The following CNST variants were observed in gnomAD, a reference collection of about 807,000 sequenced individuals.
CNST encodes the protein consortin, connexin sorting protein.
Under a neutral mutation model 72.4 loss-of-function variants are expected in CNST, and 39 were observed. The observed-to-expected ratio is 0.54, with a 90% CI of 0.42 to 0.70. The LOEUF (loss-of-function observed/expected upper bound fraction) is 0.70, where lower values mean the gene tolerates loss of function less well. Among genes scored for constraint, CNST ranks in the 30% least tolerant of loss-of-function variants. The pLI is 0.00. For missense variants in CNST, 871 were observed against 868.5 expected, an observed-to-expected ratio of 1.00 and a Z score of -0.04; for synonymous variants, 332 against 320.1, an observed-to-expected ratio of 1.04 and a Z score of -0.40.
chr1:246,644,416 C>G (rs982650284), intron 8 of CNST, among the ~76,000 whole-genome samples: 14 of 147,178 alleles, frequency 9.5e-5, no homozygotes, highest in African/African-American at 3.5e-4. Context: ...AAAAAATTGT[C>G]TCATTTTGAT....
intron 9 of CNST, among the ~76,000 whole-genome samples, chr1:246,652,859 C>T (rs1448979691): frequency 1.3e-5 from 2 of 150,550 alleles, no homozygotes; most frequent in Non-Finnish European, 1.5e-5. Context: ...AAAAAACTAG[C>T]CGGGCGTGGT....
intron 1 of CNST, among the ~76,000 whole-genome samples, chr1:246,581,289 G>C (rs188261184): frequency 2.6e-5 from 4 of 151,742 alleles, no homozygotes; most frequent in Admixed American, 6.6e-5. Context: ...TTTTGAGACG[G>C]AGTTTTGCTT....
intron 2 of CNST, among the ~76,000 whole-genome samples, chr1:246,610,853 G>A (rs964557238): frequency 1.3e-5 from 2 of 152,064 alleles, no homozygotes; most frequent in African/African-American, 4.8e-5. Flanking sequence ...ATTTTTGAAT[G>A]CTCTGATTTC....
chr1:246,648,143 G>A, intron 9 of CNST, 106 bp downstream of exon 9: 1 of 1,462,288 alleles, frequency 6.8e-7, no homozygotes, highest in Non-Finnish European at 9.0e-7. Flanking sequence ...TCTCAAACAT[G>A]AGGGAAAATT....
chr1:246,618,646 T>TTG (rs1663850440), intron 2 of CNST, among the ~76,000 whole-genome samples: 1 of 152,238 alleles, frequency 6.6e-6, no homozygotes, highest in Non-Finnish European at 1.5e-5. Context: ...CTGTGGGCTT[T>TTG]TGGAACTTCT....
intron 1 of CNST, among the ~76,000 whole-genome samples, chr1:246,582,170 G>A (rs1368733343): frequency 1.3e-5 from 2 of 152,118 alleles, no homozygotes; most frequent in Admixed American, 6.5e-5. Flanking sequence ...ATCAAAAAAC[G>A]AAGTTAAACA....
At chr1:246,637,505 A>G (rs1039580655) in intron 6 of CNST, among the ~76,000 whole-genome samples, 1 of 152,242 alleles carries the variant, frequency 6.6e-6, no homozygotes, top group Non-Finnish European at 1.5e-5. Flanking sequence ...AAGTTCGTCC[A>G]TACATGATTC....
intron 10 of CNST, among the ~76,000 whole-genome samples, chr1:246,662,846 C>T (rs1023614144): frequency 1.1e-4 from 16 of 152,176 alleles, no homozygotes; most frequent in Non-Finnish European, 1.9e-4. Flanking sequence ...GGACCAGCTA[C>T]ATGTCAAGTG....
chr1:246,601,949 T>G (rs1662316606), intron 2 of CNST, among the ~76,000 whole-genome samples: 2 of 152,208 alleles, frequency 1.3e-5, no homozygotes, highest in South Asian at 2.1e-4. Context: ...GTATTACCTC[T>G]TGGATATTCT....
chr1:246,617,838 A>G (rs913427424), intron 2 of CNST, among the ~76,000 whole-genome samples: 2 of 152,230 alleles, frequency 1.3e-5, no homozygotes, highest in African/African-American at 2.4e-5. Flanking sequence ...GCCTAAAGTA[A>G]AGTACATCCT....
intron 9 of CNST, chr1:246,648,336 T>C (rs1023925719): frequency 1.4e-5 from 9 of 661,386 alleles, no homozygotes; most frequent in African/African-American, 1.4e-4. Context: ...GTTCCAGATA[T>C]TGGAATCAAA....
At chr1:246,608,693 G>T (rs749109696) in intron 2 of CNST, among the ~76,000 whole-genome samples, 2 of 152,202 alleles carry the variant, frequency 1.3e-5, no homozygotes, top group African/African-American at 4.8e-5. Context: ...GGGATGGGGA[G>T]CCTTGGCCGT....
chr1:246,664,673 GCC>G (rs1667308667), intron 10 of CNST, among the ~76,000 whole-genome samples: 1 of 151,914 alleles, frequency 6.6e-6, no homozygotes, highest in South Asian at 2.1e-4. Flanking sequence ...TGATCCGCCC[GCC>G]TCAGCCTCCC....
chr1:246,647,873 G>A lies in CNST; in HGVS notation c.1672G>A (p.Asp558Asn). 1 of 1,614,146 alleles carries A rather than the reference G, an allele frequency of 6.2e-7. No homozygotes were observed. The highest frequency in any genetic ancestry group is 1.1e-5 in the South Asian group (1 of 91,086). ...LNSLLEGCLKDTEDSLSYEDN... is the reference protein window; with the variant it reads ...LNSLLEGCLKNTEDSLSYEDN... ...CAGCCTTTTAGAAGGATGTTTAAAA[G>A]ATACTGAAGATTCCCTTTCCTATGA... Residue 558 changes from aspartate to asparagine, a missense_variant, in exon 9 of 11, where the codon GAT becomes AAT. Physicochemically the swap from Asp to Asn is conservative, Grantham distance 23 (BLOSUM62 1). Coordinates refer to ENST00000366513, the MANE Select transcript of CNST (RefSeq NM_152609.3).
At chr1:246,661,056 AC>A (rs1667076214) in intron 10 of CNST, among the ~76,000 whole-genome samples, 1 of 151,356 alleles carries the variant, frequency 6.6e-6, no homozygotes, top group African/African-American at 2.4e-5. Context: ...CTCAACCTCC[AC>A]CTCCCAGGTT....
At chr1:246,610,282 A>AAAAC (rs137969233) in intron 2 of CNST, among the ~76,000 whole-genome samples, 6 of 152,172 alleles carry the variant, frequency 3.9e-5, no homozygotes, top group South Asian at 2.1e-4. Context: ...CTCCGTCGCA[A>AAAAC]AAACAAACAA....
At chr1:246,616,090 TA>T (rs1425740817) in intron 2 of CNST, among the ~76,000 whole-genome samples, 1 of 152,242 alleles carries the variant, frequency 6.6e-6, no homozygotes, top group East Asian at 1.9e-4. Context: ...ATGACAACGA[TA>T]AATAGAACTT....
At chr1:246,654,304 C>T (rs1350644543) in intron 9 of CNST, among the ~76,000 whole-genome samples, 1 of 152,182 alleles carries the variant, frequency 6.6e-6, no homozygotes, top group South Asian at 2.1e-4. Flanking sequence ...GGTGAGCAAC[C>T]TTCTTTCCAC....
At chr1:246,635,784 C>G (rs1461442727) in intron 6 of CNST, among the ~76,000 whole-genome samples, 5 of 152,184 alleles carry the variant, frequency 3.3e-5, no homozygotes, top group Non-Finnish European at 5.9e-5. Context: ...ATCCTCAGCC[C>G]AGGTGGCAGG....
Sources: gnomAD v4.1 joint callset for allele counts (sites outside exome capture counted in the v4.1 genomes callset) on GRCh38, gnomAD v4.1.1 for gene constraint, MANE v1.5 for transcripts, NCBI Gene and HGNC (gene_info 2026-07-23, HGNC 2026-07-21) for gene names.